The following CLVS1 variants were observed in gnomAD, a reference collection of about 807,000 sequenced individuals.
CLVS1 encodes clavesin-1.
A neutral mutation model predicts 33.1 loss-of-function variants in CLVS1; 10 were observed. The observed-to-expected ratio is 0.30, with a 90% CI of 0.19 to 0.51. CLVS1 has a LOEUF of 0.51. Among genes scored for constraint, CLVS1 ranks in the 20% least tolerant of loss-of-function variants. The probability of loss-of-function intolerance (pLI) is 0.97; values close to 1 mark genes in which losing one functional copy is unlikely to be tolerated. For missense variants in CLVS1, 343 were observed against 433.4 expected (o/e 0.79, Z 1.85); for synonymous variants, 163 against 166.1 (o/e 0.98, Z 0.14).
intron 5 of CLVS1, among the ~76,000 whole-genome samples, chr8:61,485,538 G>T (rs1039307965): frequency 6.6e-6 from 1 of 152,210 alleles, no homozygotes; most frequent in African/African-American, 2.4e-5. Flanking sequence ...GCAGTGTGGC[G>T]ATTCTTTGAT....
chr8:61,379,676 A>G (rs1278099747), intron 3 of CLVS1, among the ~76,000 whole-genome samples: 1 of 152,196 alleles, frequency 6.6e-6, no homozygotes, highest in Non-Finnish European at 1.5e-5. Context: ...GGAGCAGACT[A>G]TGATGTGACT....
chr8:61,389,831 T>G (rs1814231713), intron 3 of CLVS1, among the ~76,000 whole-genome samples: 1 of 152,166 alleles, frequency 6.6e-6, no homozygotes, highest in African/African-American at 2.4e-5. Flanking sequence ...GGTATAAAAA[T>G]GTACAGCTTA....
At chr8:61,210,244 A>C (rs541323873) in intron 2 of CLVS1, among the ~76,000 whole-genome samples, 1 of 152,334 alleles carries the variant, frequency 6.6e-6, no homozygotes, top group South Asian at 2.1e-4. Flanking sequence ...TGGAGGAGGT[A>C]GAAAGGAGTA....
chr8:61,088,487 C>CAAAAAAAAAAA (rs59394782), intron 1 of CLVS1, among the ~76,000 whole-genome samples: 2 of 105,336 alleles, frequency 1.9e-5, no homozygotes, highest in African/African-American at 3.1e-5. Context: ...GAGACTGTCT[C>CAAAAAAAAAAA]AAAAAAAAAA....
At chr8:61,367,238 T>C (rs1458650812) in intron 2 of CLVS1, among the ~76,000 whole-genome samples, 1 of 152,156 alleles carries the variant, frequency 6.6e-6, no homozygotes, top group Non-Finnish European at 1.5e-5. Context: ...ATTTCCTTCA[T>C]CAGCATAACA....
intron 1 of CLVS1, among the ~76,000 whole-genome samples, chr8:61,107,229 C>A (rs930419721): frequency 6.6e-6 from 1 of 152,222 alleles, no homozygotes; most frequent in Non-Finnish European, 1.5e-5. Flanking sequence ...GAACTCATGT[C>A]TGAAATCTTC....
At chr8:61,216,986 G>A (rs375822598) in intron 2 of CLVS1, among the ~76,000 whole-genome samples, 10 of 152,166 alleles carry the variant, frequency 6.6e-5, no homozygotes, top group East Asian at 1.9e-4. Flanking sequence ...TCCATTACAC[G>A]TGAAAAGTTT....
chr8:61,206,436 A>G (rs975954090), intron 2 of CLVS1, among the ~76,000 whole-genome samples: 18 of 152,226 alleles, frequency 1.2e-4, no homozygotes, highest in Admixed American at 2.6e-4. Context: ...AGAAATCTCC[A>G]GTCTCTACTA....
intron 2 of CLVS1, among the ~76,000 whole-genome samples, chr8:61,151,927 G>A (rs533405990): frequency 7.9e-5 from 12 of 152,154 alleles, no homozygotes; most frequent in African/African-American, 2.9e-4. Flanking sequence ...TTAGAGGAAG[G>A]CAGACGTCAG....
chr8:61,142,357 T>C (rs1806322642), intron 2 of CLVS1, among the ~76,000 whole-genome samples: 2 of 152,210 alleles, frequency 1.3e-5, no homozygotes, highest in South Asian at 4.1e-4. Flanking sequence ...CCCAGCCATG[T>C]GGAACTGTGA....
At chr8:61,195,778 A>T (rs562018317) in intron 2 of CLVS1, among the ~76,000 whole-genome samples, 1 of 152,230 alleles carries the variant, frequency 6.6e-6, no homozygotes, top group South Asian at 2.1e-4. Context: ...GAGGAAGTTA[A>T]TGACTGGGAA....
rs189654497 is a variant in CLVS1, at chr8:61,138,022, T to C, written c.-152+6162T>C. 1.4e-4 allele frequency among the ~76,000 whole-genome samples: 21 copies of C among 152,274 alleles called. 1 individual carries two copies. The East Asian group carries it at 2.5e-3, about 18-fold the overall frequency. ...GTGCTGGTTACAGGGGAAGGAAAGA[T>C]GAATGAGATAGTCTTGCAAGTCAAG... On this transcript the variant is annotated intron_variant, in intron 2 of 2. Transcript: ENST00000522621.
intron 1 of CLVS1, among the ~76,000 whole-genome samples, chr8:61,092,485 A>G (rs2979420): frequency 0.7 from 106,375 of 152,142 alleles, 37,402 homozygotes; most frequent in Middle Eastern, 0.76. Context: ...AGCTCTGGAG[A>G]TCAGAAGTCC....
intron 2 of CLVS1, among the ~76,000 whole-genome samples, chr8:61,312,543 C>T (rs572260406): frequency 2.6e-5 from 4 of 152,234 alleles, no homozygotes; most frequent in Non-Finnish European, 5.9e-5. Context: ...GCTACTATTT[C>T]TTCCCTATCT....
intron 3 of CLVS1, among the ~76,000 whole-genome samples, chr8:61,389,174 C>T (rs1462428244): frequency 6.6e-6 from 1 of 152,168 alleles, no homozygotes; most frequent in Non-Finnish European, 1.5e-5. Flanking sequence ...TTTCCAACCT[C>T]ACCACATACT....
chr8:61,478,641 C>T (rs1432348791), intron 5 of CLVS1, among the ~76,000 whole-genome samples: 1 of 152,030 alleles, frequency 6.6e-6, no homozygotes, highest in Non-Finnish European at 1.5e-5. Flanking sequence ...GATTGCAACC[C>T]CTGCCTTTTT....
At chr8:61,027,437 T>C in the CLVS1 span, among the ~76,000 whole-genome samples, 1 of 152,166 alleles carries the variant, frequency 6.6e-6, no homozygotes, top group Non-Finnish European at 1.5e-5. Context: ...TGTCAAAAAT[T>C]GGAGTGGAAT....
the CLVS1 span, among the ~76,000 whole-genome samples, chr8:61,039,105 A>G: frequency 6.6e-6 from 1 of 152,102 alleles, no homozygotes; most frequent in Non-Finnish European, 1.5e-5. Flanking sequence ...AGGCTGGCCT[A>G]TTTTGTTTAT....
chr8:61,418,413 C>T (rs1815527698), intron 3 of CLVS1, among the ~76,000 whole-genome samples: 1 of 152,124 alleles, frequency 6.6e-6, no homozygotes. Context: ...CAGGTGCTAA[C>T]ACCTGTTACC....
Sources: allele counts gnomAD v4.1 joint callset (sites outside exome capture counted in the v4.1 genomes callset), GRCh38; gene constraint gnomAD v4.1.1; transcripts MANE v1.5; gene names NCBI Gene and HGNC (gene_info 2026-07-23, HGNC 2026-07-21).